The following TNRC18 variants were observed in gnomAD, a reference collection of about 807,000 sequenced individuals.
TNRC18 encodes the protein trinucleotide repeat-containing gene 18 protein.
In TNRC18, 69 loss-of-function variants were observed where a neutral mutation model predicts 226.7. The ratio of observed to expected loss-of-function variants is 0.30; its 90% confidence interval spans 0.25 to 0.37. The LOEUF is 0.37. Ranked by LOEUF, TNRC18 falls within the 10% of genes least tolerant of loss-of-function variation. The probability of loss-of-function intolerance (pLI) is 1.00; values close to 1 mark genes in which losing one functional copy is unlikely to be tolerated. For synonymous variants in TNRC18, 2,449 were observed against 1,927.6 expected (o/e 1.27, Z -7.09); for missense variants, 4,754 against 4,256.6 (o/e 1.12, Z -3.25).
chr7:5,308,737 G>C lies in TNRC18; in HGVS notation c.8700+138C>G, dbSNP rs1786867535. ...AGAGAACAGGAGCCAGGCACTGAGA[G>C]TGGCAGGGACAGGAGGTCAGAGGCT... On this transcript the variant is annotated intron_variant, in intron 29 of 29. Transcript: ENST00000430969. The C allele has an allele frequency of 5.7e-6, 5 of 884,154 alleles. No individual in the cohort carries two copies. In the East Asian group the frequency reaches 1.3e-4, roughly 23 times the overall value. The allele number at this position is 884,154 out of a possible 1,614,324, so 54.8% of individuals were successfully genotyped here.
intron 5 of TNRC18, among the ~76,000 whole-genome samples, chr7:5,379,699 C>T (rs1468870181): frequency 2.0e-5 from 3 of 152,236 alleles, no homozygotes; most frequent in South Asian, 2.1e-4. Flanking sequence ...TGGGACACAC[C>T]GGACAGGTGA....
rs1167746227 is a variant in TNRC18, at chr7:5,335,301, CAAA to C, written c.5720-2255_5720-2253del. Among the ~76,000 whole-genome samples, 122 of 58,534 alleles carry C rather than the reference CAAA, an allele frequency of 2.1e-3. 1 individual carries two copies. The highest frequency in any genetic ancestry group is 3.0e-3 in the Non-Finnish European group (98 of 33,174). The allele number at this position is 58,534 out of a possible 152,430, so 38.4% of individuals were successfully genotyped here. ...TGGGCCACAGAGTGAGAATCTGTCT[CAAA>C]AAAAAAAAAAAAAAAAAAAATTTGG... On this transcript the variant is annotated intron_variant, in intron 18 of 29. Transcript: ENST00000430969.
At chr7:5,310,982 G>A (rs1193894888) in intron 27 of TNRC18, among the ~76,000 whole-genome samples, 1 of 151,688 alleles carries the variant, frequency 6.6e-6, no homozygotes, top group Non-Finnish European at 1.5e-5. Flanking sequence ...GTGCATGCAC[G>A]TGCATGGATG....
At chr7:5,361,319 G>C (rs143742244) in intron 14 of TNRC18, among the ~76,000 whole-genome samples, 1 of 152,240 alleles carries the variant, frequency 6.6e-6, no homozygotes, top group Non-Finnish European at 1.5e-5. Flanking sequence ...GGCCCTAGGC[G>C]TGAGGAGGCA....
chr7:5,376,270 A>C, intron 8 of TNRC18, 46 bp from the exon 9 acceptor site: 1 of 1,392,376 alleles, frequency 7.2e-7, no homozygotes, highest in Non-Finnish European at 9.4e-7. Flanking sequence ...CTGATGCTCC[A>C]CCACCATGCC....
intron 21 of TNRC18, among the ~76,000 whole-genome samples, chr7:5,323,901 T>A (rs1788631444): frequency 6.6e-6 from 1 of 152,098 alleles, no homozygotes; most frequent in Admixed American, 6.6e-5. Context: ...TCTGACCATA[T>A]CACATCCCCA....
In TNRC18 at chr7:5,370,876, T is replaced by C; in HGVS notation, c.3718A>G (p.Thr1240Ala). ...VDSPGRTEPC[T>A]AALDLGVQLT... ...TGCACCCCCAGGTCCAGGGCGGCGG[T>C]GCAGGGTTCTGTCCGGCCCGGGGAA... Residue 1240 changes from threonine (T) to alanine (A), a missense_variant, in exon 11 of 30, where the codon ACC becomes GCC. Transcript: ENST00000430969. 6.2e-7 allele frequency: 1 copy of C among 1,607,506 alleles called. No individual in the cohort carries two copies. The highest frequency in any genetic ancestry group is 8.5e-7 in the Non-Finnish European group (1 of 1,179,684).
intron 13 of TNRC18, 71 bp downstream of exon 13, chr7:5,361,826 G>T: frequency 1.3e-6 from 2 of 1,511,910 alleles, no homozygotes; most frequent in Non-Finnish European, 1.8e-6. Flanking sequence ...ACACCTCGAC[G>T]GCTGCTGCGC....
At chr7:5,360,700 C>T (rs1225151864) in intron 14 of TNRC18, among the ~76,000 whole-genome samples, 1 of 152,062 alleles carries the variant, frequency 6.6e-6, no homozygotes, top group Non-Finnish European at 1.5e-5. Flanking sequence ...CTGCCCTCTT[C>T]TCCGGGAAGC....
intron 5 of TNRC18, among the ~76,000 whole-genome samples, chr7:5,380,489 G>A (rs1779323544): frequency 6.6e-6 from 1 of 152,230 alleles, no homozygotes; most frequent in South Asian, 2.1e-4. Context: ...CAGAAGAGAG[G>A]AACCCAGAGA....
chr7:5,336,138 C>T (rs894902134), intron 18 of TNRC18, among the ~76,000 whole-genome samples: 15 of 150,314 alleles, frequency 1.0e-4, no homozygotes, highest in African/African-American at 3.4e-4. Context: ...GCCCAGGAGG[C>T]GGAGGTTGCC....
In TNRC18 at chr7:5,402,981, G is replaced by A. The variant is rs140911685; in HGVS notation, c.188-8386C>T. On this transcript the variant is annotated intron_variant, in intron 2 of 29. Transcript: ENST00000430969. ...TCTCTACCCTGTGCTCCCCACTCCT[G>A]TCAACGGGGAGAGGGATTGGTGTCC... Among the ~76,000 whole-genome samples, 842 of 152,134 alleles carry A rather than the reference G, an allele frequency of 5.5e-3. 8 individuals carry two copies. The highest frequency in any genetic ancestry group is 0.019 in the African/African-American group (801 of 41,500).
rs1433007099 is a variant in TNRC18 at position 5,387,900 on chromosome 7, C to T, written c.1924G>A (p.Gly642Ser). 6.3e-7 allele frequency: 1 copy of T among 1,592,266 alleles called. No homozygotes were observed. Among genetic ancestry groups the T allele is most frequent in the Non-Finnish European group, 8.5e-7 (1 of 1,171,020 alleles). ...RAQARLPHSG[G>S]PAAGGGRQLK... is the part of the protein sequence containing the mutation. Reference sequence around the variant, plus strand: ...TGCCGGCCGCCGCCCGCTGCAGGGCCTCCGGAGTGTGGGAGACGGGCCTGG... The same window carrying T: ...TGCCGGCCGCCGCCCGCTGCAGGGCTTCCGGAGTGTGGGAGACGGGCCTGG... Residue 642 changes from glycine (G) to serine (S), a missense_variant, in exon 5 of 30, where the codon GGC (glycine) becomes AGC (serine). Gly to Ser is a moderately conservative substitution (Grantham distance 56). Transcript: ENST00000430969.
rs559164702 is a variant in TNRC18, at chr7:5,325,578, C to T, written c.6148-330G>A. ...AGCTGGGACTACAGGCACCCGCCACCACACCTGGCTAATGTTTTTGTATTT... is the reference window on the plus strand; with the variant it reads ...AGCTGGGACTACAGGCACCCGCCACTACACCTGGCTAATGTTTTTGTATTT... On this transcript the variant is annotated intron_variant, in intron 19 of 29. Coordinates refer to ENST00000430969, the MANE Select transcript of TNRC18 (RefSeq NM_001080495.3). The T allele has an allele frequency of 9.4e-4, 279 of 297,480 alleles. 2 individuals carry two copies. Among genetic ancestry groups the T allele is most frequent in the South Asian group, 2.7e-3 (81 of 29,856 alleles). The allele number at this position is 297,480 out of a possible 1,614,324, so 18.4% of individuals were successfully genotyped here. A position where few individuals can be genotyped will look rare whatever the true frequency, so the allele number is the denominator to read the frequency against.
intron 2 of TNRC18, among the ~76,000 whole-genome samples, chr7:5,416,132 C>T (rs1426215103): frequency 8.1e-6 from 1 of 123,972 alleles, no homozygotes; most frequent in Non-Finnish European, 1.7e-5. Context: ...AAAAAAAAAT[C>T]AGCCAAGCGC....
intron 16 of TNRC18, among the ~76,000 whole-genome samples, chr7:5,355,255 G>A (rs1792232624): frequency 6.6e-6 from 1 of 151,482 alleles, no homozygotes; most frequent in Non-Finnish European, 1.5e-5. Context: ...ATAACCATGA[G>A]GACGCTCCAA....
At position 5,324,118 on chromosome 7, in the gene TNRC18, G is replaced by C; in HGVS notation, c.6442+96C>G. On this transcript the variant is annotated intron_variant, in intron 21 of 29. Transcript: ENST00000430969. The surrounding 1 kb of genome is among the most constrained non-coding windows in gnomAD (Gnocchi z 4.8). ...TCCTGTGGTTCCCTGCCCCCAGCTA[G>C]CCCAGCCCTTCAGTCTCAAGCCTTG... The C allele has an allele frequency of 2.9e-6, 4 of 1,373,530 alleles. No individual in the cohort carries two copies. Among genetic ancestry groups the C allele is most frequent in the Non-Finnish European group, 3.9e-6 (4 of 1,023,204 alleles). The allele number at this position is 1,373,530 out of a possible 1,614,324, so 85.1% of individuals were successfully genotyped here.
chr7:5,420,419 G>A (rs932207292), intron 2 of TNRC18: 5 of 455,926 alleles, frequency 1.1e-5, no homozygotes, highest in African/African-American at 1.0e-4. Context: ...GGGTCCCCGA[G>A]GGCCGGGGTC....
rs1017131497 is a variant in TNRC18 at position 5,324,931 on chromosome 7, T to A, written c.6300+165A>T. Among the ~76,000 whole-genome samples the A allele has an allele frequency of 6.6e-6, 1 of 152,098 alleles. No homozygotes were observed. The highest frequency in any genetic ancestry group is 2.4e-5 in the African/African-American group (1 of 41,428). ...GAGCAGAGTCCCCAGTATCTCCTTA[T>A]CCCTGGAGTGTGGGGACGGCCACAT... On this transcript the variant is annotated intron_variant, in intron 20 of 29. Transcript: ENST00000430969. This position sits in a 1 kb window ranked among gnomAD's most constrained non-coding sequence, Gnocchi z 4.8.
Sources: gnomAD v4.1 joint callset for allele counts (sites outside exome capture counted in the v4.1 genomes callset) on GRCh38, gnomAD v4.1.1 for gene constraint, Gnocchi (gnomAD v3.1) non-coding constraint, MANE v1.5 for transcripts, NCBI Gene and HGNC (gene_info 2026-07-23, HGNC 2026-07-21) for gene names.